The following SLC39A12 variants were observed in gnomAD, a reference collection of about 807,000 sequenced individuals.
SLC39A12 encodes solute carrier family 39 member 12.
In SLC39A12, 63 loss-of-function variants were observed where a neutral mutation model predicts 71.1. The observed-to-expected ratio is 0.89, with a 90% CI of 0.72 to 1.09. The LOEUF (loss-of-function observed/expected upper bound fraction) is 1.09, where lower values mean the gene tolerates loss of function less well. Ranked by LOEUF, SLC39A12 falls within the 50% of genes least tolerant of loss-of-function variation. SLC39A12 has a pLI of 0.00. For missense variants in SLC39A12, 892 were observed against 812.6 expected, an observed-to-expected ratio of 1.10 and a Z score of -1.19; for synonymous variants, 351 against 301.3, an observed-to-expected ratio of 1.16 and a Z score of -1.71.
chr10:18,018,274 C>CT (rs1449033351), intron 12 of SLC39A12, among the ~76,000 whole-genome samples: 3 of 152,050 alleles, frequency 2.0e-5, no homozygotes, highest in African/African-American at 7.2e-5. Context: ...GTTCTAGGAG[C>CT]TTTTTTATTG....
intron 10 of SLC39A12, among the ~76,000 whole-genome samples, chr10:18,000,230 C>T (rs922290667): frequency 9.9e-5 from 15 of 152,132 alleles, no homozygotes; most frequent in Admixed American, 2.0e-4. Flanking sequence ...CTCCTCATAC[C>T]ACCACGCTAG....
intron 3 of SLC39A12, among the ~76,000 whole-genome samples, chr10:17,965,061 G>T (rs950161771): frequency 6.6e-6 from 1 of 152,092 alleles, no homozygotes; most frequent in Non-Finnish European, 1.5e-5. Flanking sequence ...ACAAAAATTA[G>T]CCAGGCGTGG....
At chr10:18,034,403 T>C (rs528309673) in intron 12 of SLC39A12, among the ~76,000 whole-genome samples, 2 of 152,366 alleles carry the variant, frequency 1.3e-5, no homozygotes, top group East Asian at 1.9e-4. Context: ...TACCATTATG[T>C]AATGGCCTTG....
intron 7 of SLC39A12, among the ~76,000 whole-genome samples, chr10:17,990,030 G>T (rs1050703883): frequency 2.0e-5 from 3 of 152,210 alleles, no homozygotes; most frequent in Non-Finnish European, 4.4e-5. Context: ...CGTCTGCACA[G>T]AAGTGAGAAA....
chr10:18,025,389 C>G (rs1358733157), intron 12 of SLC39A12, among the ~76,000 whole-genome samples: 1 of 152,128 alleles, frequency 6.6e-6, no homozygotes, highest in Non-Finnish European at 1.5e-5. Flanking sequence ...CTCCCTCCCC[C>G]CACCTCACAA....
intron 12 of SLC39A12, among the ~76,000 whole-genome samples, chr10:18,030,569 G>C (rs879529297): frequency 4.6e-5 from 7 of 151,668 alleles, no homozygotes; most frequent in Non-Finnish European, 1.0e-4. Flanking sequence ...TGTCTGCCTT[G>C]AAAACATAGA....
chr10:18,040,175 A>T (rs1157924634), intron 12 of SLC39A12, among the ~76,000 whole-genome samples: 6 of 152,214 alleles, frequency 3.9e-5, no homozygotes, highest in Non-Finnish European at 4.4e-5. Context: ...TTTTATCCAC[A>T]TTCCATAGAT....
chr10:18,028,628 C>A (rs752488613), intron 12 of SLC39A12, among the ~76,000 whole-genome samples: 1 of 152,164 alleles, frequency 6.6e-6, no homozygotes, highest in Non-Finnish European at 1.5e-5. Context: ...CCTGATGGTT[C>A]TCCTAATTTC....
chr10:17,991,546 G>A (rs1835548388), intron 8 of SLC39A12, among the ~76,000 whole-genome samples: 1 of 152,098 alleles, frequency 6.6e-6, no homozygotes, highest in Non-Finnish European at 1.5e-5. Flanking sequence ...TTTAGGAACT[G>A]GGGACTATTT....
chr10:18,028,926 G>C (rs1315819562), intron 12 of SLC39A12, among the ~76,000 whole-genome samples: 1 of 152,008 alleles, frequency 6.6e-6, no homozygotes, highest in Non-Finnish European at 1.5e-5. Context: ...CACCATACTG[G>C]TCAGGCTGGT....
chr10:17,994,841 C>T (rs1462687764), intron 9 of SLC39A12, among the ~76,000 whole-genome samples: 1 of 152,140 alleles, frequency 6.6e-6, no homozygotes, highest in African/African-American at 2.4e-5. Context: ...TATCTCATTA[C>T]ATTTGTGTCA....
intron 12 of SLC39A12, among the ~76,000 whole-genome samples, chr10:18,038,976 A>G (rs1411743217): frequency 6.6e-6 from 1 of 152,164 alleles, no homozygotes; most frequent in Admixed American, 6.5e-5. Context: ...TTTTACTACC[A>G]TGCGTCTATC....
intron 3 of SLC39A12, among the ~76,000 whole-genome samples, chr10:17,963,502 G>T (rs1834743773): frequency 6.6e-6 from 1 of 152,152 alleles, no homozygotes; most frequent in African/African-American, 2.4e-5. Context: ...CCTTTTTCCA[G>T]CTAGTTTCGG....
chr10:18,034,401 T>C (rs1321850135), intron 12 of SLC39A12, among the ~76,000 whole-genome samples: 1 of 152,228 alleles, frequency 6.6e-6, no homozygotes, highest in East Asian at 1.9e-4. Context: ...TTTACCATTA[T>C]GTAATGGCCT....
intron 4 of SLC39A12, among the ~76,000 whole-genome samples, chr10:17,976,281 G>T (rs951556211): frequency 6.6e-6 from 1 of 152,044 alleles, no homozygotes; most frequent in African/African-American, 2.4e-5. Flanking sequence ...GTAGCTCTTT[G>T]AATATATCAT....
At chr10:18,041,650 CATATGTATATATGTGTATAT>C (rs1837236918) in intron 12 of SLC39A12, among the ~76,000 whole-genome samples, 2 of 58,418 alleles carry the variant, frequency 3.4e-5, no homozygotes, top group Non-Finnish European at 8.1e-5. Flanking sequence ...TATGTATATA[CATATGTATATATGTGTATAT>C]ATATGTATAT....
At position 18,001,237 on chromosome 10, in the gene SLC39A12, G is replaced by A. The variant is rs565122854; in HGVS notation, c.1759+412G>A. The stretch of plus-strand genomic sequence containing the variant: ...AATAACATTTAAATTAAAACCGGCC[G>A]GGCGCAGTGGCTCACACCTGTAATC... On this transcript the variant is annotated intron_variant, in intron 11 of 12. Transcript: ENST00000377369. Among the ~76,000 whole-genome samples, 30 of 152,298 alleles carry A rather than the reference G, an allele frequency of 2.0e-4. 2 individuals are homozygous for A. The East Asian group carries it at 3.5e-3, about 18-fold the overall frequency.
chr10:18,009,393 G>C (rs915161497), intron 12 of SLC39A12, among the ~76,000 whole-genome samples: 3 of 152,102 alleles, frequency 2.0e-5, no homozygotes, highest in African/African-American at 7.2e-5. Flanking sequence ...TAGCCCAGGT[G>C]CCCCCTCCAG....
At chr10:18,034,109 G>A (rs1836929854) in intron 12 of SLC39A12, among the ~76,000 whole-genome samples, 2 of 151,834 alleles carry the variant, frequency 1.3e-5, no homozygotes, top group Non-Finnish European at 1.5e-5. Flanking sequence ...GTGTGGTGCT[G>A]AAAAAAATGT....
Sources: gnomAD v4.1 joint callset for allele counts (sites outside exome capture counted in the v4.1 genomes callset) on GRCh38, gnomAD v4.1.1 for gene constraint, MANE v1.5 for transcripts, NCBI Gene and HGNC (gene_info 2026-07-23, HGNC 2026-07-21) for gene names.